Variants in COL4A6 observed in about 807,000 individuals in gnomAD.
COL4A6 encodes the protein collagen type IV alpha 6 chain, also known as collagen alpha-6(IV) chain.
Under a neutral mutation model 126.7 loss-of-function variants are expected in COL4A6, and 59 were observed. The ratio of observed to expected loss-of-function variants is 0.47; its 90% CI spans 0.38 to 0.58. COL4A6 has a LOEUF of 0.58. COL4A6 is among the 20% of genes least tolerant of loss of function. COL4A6 has a pLI of 0.00. For synonymous variants in COL4A6, 547 were observed against 496.6 expected (o/e 1.10, Z -1.35); for missense variants, 1,285 against 1,337.3 (o/e 0.96, Z 0.61).
At chrX:108,168,061 C>T (rs982928818) in intron 37 of COL4A6, among the ~76,000 whole-genome samples, 3 of 112,161 alleles carry the variant, frequency 2.7e-5, no homozygotes, top group Non-Finnish European at 5.6e-5. Flanking sequence ...CAAATGTATT[C>T]CTCTGTGACA....
chrX:108,378,529 GT>G (rs1248356339), intron 2 of COL4A6, among the ~76,000 whole-genome samples: 1 of 112,286 alleles, frequency 8.9e-6, no homozygotes, highest in African/African-American at 3.2e-5. Flanking sequence ...GTTTGCCAGA[GT>G]TTTTTCATCT....
intron 2 of COL4A6, among the ~76,000 whole-genome samples, chrX:108,352,913 T>C (rs1274789271): frequency 2.7e-5 from 3 of 112,105 alleles, no homozygotes; most frequent in Non-Finnish European, 5.6e-5. Flanking sequence ...TTGGGCTTCC[T>C]TGTGGGGATG....
chrX:108,265,378 T>C (rs1383516908), intron 3 of COL4A6, among the ~76,000 whole-genome samples: 2 of 56,794 alleles, frequency 3.5e-5, no homozygotes, highest in Non-Finnish European at 7.5e-5. Flanking sequence ...CATTGATTCA[T>C]TCACCTATTC....
intron 19 of COL4A6, among the ~76,000 whole-genome samples, chrX:108,191,071 C>A (rs1374050452): frequency 1.8e-5 from 2 of 111,691 alleles, no homozygotes; most frequent in Non-Finnish European, 3.8e-5. Context: ...AAGAACCAAT[C>A]CTGCTTCTTT....
chrX:108,351,260 A>C (rs1315120328), intron 2 of COL4A6, among the ~76,000 whole-genome samples: 4 of 111,514 alleles, frequency 3.6e-5, no homozygotes, highest in Non-Finnish European at 7.5e-5. Flanking sequence ...AAATGCTAAC[A>C]GTGGCTATTT....
In COL4A6 at chrX:108,429,167, T is replaced by A. The variant is rs781245405; in HGVS notation, c.63+8775A>T. Among the ~76,000 whole-genome samples, 6 of 112,332 alleles carry A rather than the reference T, an allele frequency of 5.3e-5. No homozygotes were observed. The East Asian group carries it at 1.7e-3, about 31-fold the overall frequency. ...TAAATCTCAAAAGTGCTATGCTGAT[T>A]ACATTTACATGAAATTCTAGAAAAG... On this transcript the variant is annotated intron_variant, in intron 2 of 44. Coordinates refer to ENST00000334504, the MANE Select transcript of COL4A6 (RefSeq NM_033641.4).
chrX:108,336,121 C>T (rs1603112458), intron 2 of COL4A6, among the ~76,000 whole-genome samples: 1 of 111,703 alleles, frequency 9.0e-6, no homozygotes, highest in Non-Finnish European at 1.9e-5. Context: ...TCAGCAATTG[C>T]ATTGCTAGGT....
chrX:108,181,924 T>A (rs1344545343), intron 23 of COL4A6, among the ~76,000 whole-genome samples: 1 of 112,459 alleles, frequency 8.9e-6, no homozygotes, highest in African/African-American at 3.2e-5. Context: ...TTAATAAACA[T>A]CTATAGCTTT....
At chrX:108,274,044 G>A (rs1271111181) in intron 3 of COL4A6, among the ~76,000 whole-genome samples, 2 of 112,141 alleles carry the variant, frequency 1.8e-5, no homozygotes, top group African/African-American at 6.5e-5. Context: ...AACAGGAAGT[G>A]TGAACATGTT....
In COL4A6 at chrX:108,321,798, C is replaced by T. The variant is rs768914256; in HGVS notation, c.64-10970G>A. Among the ~76,000 whole-genome samples the T allele has an allele frequency of 1.3e-4, 15 of 111,135 alleles. No homozygotes were observed. In the South Asian group the frequency reaches 5.8e-3, roughly 43 times the overall value. ...TGGCTAGATCAGACCTATCCTGGGG[C>T]CACATTCACAATAATGGCTACCGTG... On this transcript the variant is annotated intron_variant, in intron 2 of 44. Transcript: ENST00000334504.
chrX:108,201,872 A>G (rs2035400396), intron 13 of COL4A6, among the ~76,000 whole-genome samples: 1 of 111,294 alleles, frequency 9.0e-6, no homozygotes, highest in Non-Finnish European at 1.9e-5. Flanking sequence ...TTAACAATAC[A>G]AGTCAGAGCC....
At position 108,285,365 on chromosome X, in the gene COL4A6, T is replaced by C. The variant is rs753260139; in HGVS notation, c.144+25383A>G. On this transcript the variant is annotated intron_variant, in intron 3 of 44. Coordinates refer to ENST00000334504, the MANE Select transcript of COL4A6 (RefSeq NM_033641.4). ...CCCTGTGAATGTTATACTTCACAAT[T>C]CACCATTACCTGGTGTAAAGAATAA... 7.1e-5 allele frequency among the ~76,000 whole-genome samples: 8 copies of C among 112,423 alleles called. No individual in the cohort carries two copies. The East Asian group carries it at 2.2e-3, about 31-fold the overall frequency.
intron 5 of COL4A6, among the ~76,000 whole-genome samples, chrX:108,216,857 G>C (rs1001692367): frequency 8.9e-6 from 1 of 112,851 alleles, no homozygotes; most frequent in African/African-American, 3.2e-5. Flanking sequence ...TCATTTACAA[G>C]TCTCCAGGCA....
intron 3 of COL4A6, among the ~76,000 whole-genome samples, chrX:108,232,671 G>A (rs1031567366): frequency 9.0e-6 from 1 of 111,712 alleles, no homozygotes; most frequent in African/African-American, 3.2e-5. Context: ...TCAATTCCCT[G>A]CTCCAACCTT....
At chrX:108,438,697 C>A (rs757430067), upstream of COL4A6, among the ~76,000 whole-genome samples, 1 of 112,830 alleles carries the variant, frequency 8.9e-6, no homozygotes, top group Non-Finnish European at 1.9e-5. Flanking sequence ...CAGATGGGCC[C>A]GAAAGTGCCC....
At chrX:108,214,059 C>T (rs986504054) in intron 6 of COL4A6, 53 bp downstream of exon 6, 3 of 1,047,524 alleles carry the variant, frequency 2.9e-6, no homozygotes, top group Admixed American at 2.2e-5. Flanking sequence ...AAAGGGCACA[C>T]GTAGAGACAA....
At chrX:108,423,762 A>G (rs1056895154) in intron 2 of COL4A6, among the ~76,000 whole-genome samples, 2 of 111,979 alleles carry the variant, frequency 1.8e-5, no homozygotes, top group Non-Finnish European at 3.8e-5. Flanking sequence ...AACTCCCTGT[A>G]TCCTATATAT....
At chrX:108,180,689 T>C in intron 24 of COL4A6, 67 bp from the exon 25 acceptor site, 2 of 916,009 alleles carry the variant, frequency 2.2e-6, no homozygotes, top group South Asian at 4.7e-5. Flanking sequence ...TTTGTGATGT[T>C]CAGTCAAGAA....
At chrX:108,201,923 T>C (rs1003661719) in intron 13 of COL4A6, among the ~76,000 whole-genome samples, 2 of 111,757 alleles carry the variant, frequency 1.8e-5, no homozygotes, top group Admixed American at 9.5e-5. Context: ...AAACACCACA[T>C]TGACCTATGA....
Sources: gnomAD v4.1 joint callset for allele counts (sites outside exome capture counted in the v4.1 genomes callset) on GRCh38, gnomAD v4.1.1 for gene constraint, MANE v1.5 for transcripts, NCBI Gene and HGNC (gene_info 2026-07-23, HGNC 2026-07-21) for gene names.